Variants in EPHA3 observed in about 807,000 individuals in gnomAD.
EPHA3 encodes the protein ephrin type-A receptor 3.
Under a neutral mutation model 107.1 loss-of-function variants are expected in EPHA3, and 42 were observed. The ratio of observed to expected loss-of-function variants is 0.39; its 90% CI spans 0.31 to 0.51. The LOEUF (loss-of-function observed/expected upper bound fraction) is 0.51, where lower values mean the gene tolerates loss of function less well. Among genes scored for constraint, EPHA3 ranks in the 20% least tolerant of loss-of-function variants. The pLI is 0.78. For synonymous variants in EPHA3, 461 were observed against 424.8 expected (o/e 1.09, Z -1.05); for missense variants, 1,183 against 1,211.2 (o/e 0.98, Z 0.35).
rs1242897230 is a variant in EPHA3 at position 89,449,219 on chromosome 3, T to A, written c.2347-6T>A. 6.2e-7 allele frequency: 1 copy of A among 1,600,458 alleles called. No individual in the cohort carries two copies. On this transcript the variant is annotated splice_polypyrimidine_tract_variant and splice_region_variant and intron_variant, in intron 13 of 16. Coordinates refer to ENST00000336596, the MANE Select transcript of EPHA3 (RefSeq NM_005233.6). ...GATTTATGTAGACATGATTTTATAT[T>A]CAAAGGGAGGGAAGATCCCAATCAG...
chr3:89,396,478 C>T (rs114405646), intron 6 of EPHA3, among the ~76,000 whole-genome samples: 15 of 151,994 alleles, frequency 9.9e-5, no homozygotes, highest in African/African-American at 3.4e-4. Flanking sequence ...GATAAATTTG[C>T]GTGACATAAA....
chr3:89,189,251 A>C (rs1231313731), intron 2 of EPHA3, among the ~76,000 whole-genome samples: 1 of 152,204 alleles, frequency 6.6e-6, no homozygotes, highest in Non-Finnish European at 1.5e-5. Context: ...CCAAACCTTC[A>C]TTTCATTAGT....
intron 3 of EPHA3, among the ~76,000 whole-genome samples, chr3:89,241,553 G>C (rs1704896406): frequency 6.6e-6 from 1 of 151,882 alleles, no homozygotes; most frequent in Non-Finnish European, 1.5e-5. Context: ...CTAATACATA[G>C]CATTTATTGG....
intron 2 of EPHA3, among the ~76,000 whole-genome samples, chr3:89,175,074 T>A (rs2107106260): frequency 6.6e-6 from 1 of 151,990 alleles, no homozygotes; most frequent in African/African-American, 2.4e-5. Context: ...ATAGCATTTT[T>A]TTTTTTTTTT....
chr3:89,213,549 C>G (rs1357019205), intron 3 of EPHA3, among the ~76,000 whole-genome samples: 1 of 151,940 alleles, frequency 6.6e-6, no homozygotes, highest in African/African-American at 2.4e-5. Context: ...ATAGATTCAT[C>G]TGACTTCTCG....
chr3:89,341,734 C>T, intron 4 of EPHA3, 21 bp from the exon 5 acceptor site: 1 of 1,565,896 alleles, frequency 6.4e-7, no homozygotes, highest in Non-Finnish European at 8.7e-7. Flanking sequence ...GCTCATTAAT[C>T]TTTGTTGAAC....
At chr3:89,210,546 G>A in intron 3 of EPHA3, 26 bp downstream of exon 3, 1 of 1,514,922 alleles carries the variant, frequency 6.6e-7, no homozygotes, top group Non-Finnish European at 8.8e-7. Context: ...ATTTTTCTTT[G>A]AGCAATATTT....
intron 11 of EPHA3, among the ~76,000 whole-genome samples, chr3:89,422,083 A>ATTAGAT (rs1275266601): frequency 6.6e-6 from 1 of 151,036 alleles, no homozygotes; most frequent in Non-Finnish European, 1.5e-5. Context: ...TAGCCCTAGA[A>ATTAGAT]TTAGATTTTG....
chr3:89,236,792 TAAAG>T (rs1166084543), intron 3 of EPHA3, among the ~76,000 whole-genome samples: 3 of 152,130 alleles, frequency 2.0e-5, no homozygotes, highest in Non-Finnish European at 4.4e-5. Context: ...TAAATAAAAT[TAAAG>T]AAAGCTACAT....
rs1327218424 is a variant in EPHA3, at chr3:89,107,722, C to G, written c.-27C>G. On this transcript the variant is annotated 5_prime_UTR_variant, in exon 1 of 17. Transcript: ENST00000336596. ...GTGGCATGCTTCATGGAGATATGCT[C>G]CTCTCACTGCCCTCTGCACCAGCAA... The G allele has an allele frequency of 1.9e-6, 3 of 1,600,430 alleles. No homozygotes were observed. The highest frequency in any genetic ancestry group is 2.6e-6 in the Non-Finnish European group (3 of 1,167,836).
At chr3:89,308,242 G>A (rs1353615108) in intron 3 of EPHA3, among the ~76,000 whole-genome samples, 1 of 152,102 alleles carries the variant, frequency 6.6e-6, no homozygotes, top group Non-Finnish European at 1.5e-5. Flanking sequence ...CACATGAAAA[G>A]TAGTACATAA....
intron 3 of EPHA3, among the ~76,000 whole-genome samples, chr3:89,256,368 C>T (rs902244573): frequency 4.0e-5 from 6 of 151,788 alleles, no homozygotes; most frequent in Admixed American, 6.6e-5. Flanking sequence ...ACAAGGAGTT[C>T]GAGACCAGCC....
At position 89,479,241 on chromosome 3, in the gene EPHA3, G is replaced by A. The variant is rs370188894; in HGVS notation, c.2847-156G>A. Among the ~76,000 whole-genome samples, 53 of 152,250 alleles carry A rather than the reference G, an allele frequency of 3.5e-4. No homozygotes were observed. The East Asian group carries it at 9.8e-3, about 28-fold the overall frequency. ...CCATCTATATAGCCTTCTACAAGAT[G>A]GTGGAACGGTCCGGACATAACACAG... On this transcript the variant is annotated intron_variant, in intron 16 of 16. Transcript: ENST00000336596.
chr3:89,222,654 T>TA (rs1484817530), intron 3 of EPHA3, among the ~76,000 whole-genome samples: 1 of 151,952 alleles, frequency 6.6e-6, no homozygotes, highest in Non-Finnish European at 1.5e-5. Context: ...TCTTTGTTTC[T>TA]AAAAAATTGA....
chr3:89,204,474 G>C (rs1706050360), intron 2 of EPHA3, among the ~76,000 whole-genome samples: 1 of 78,540 alleles, frequency 1.3e-5, no homozygotes, highest in Admixed American at 1.7e-4. Flanking sequence ...TCTCTGATTT[G>C]ACACACCACA....
rs776889612 is a variant in EPHA3 at position 89,444,959 on chromosome 3, T to A, written c.2347-4266T>A. On this transcript the variant is annotated intron_variant, in intron 13 of 16. Transcript: ENST00000336596. ...AATGTTTCATGAATATTGAATACAT[T>A]CTGGGCTAAACAGCTAACTCTTGGC... Among the ~76,000 whole-genome samples the A allele has an allele frequency of 4.6e-5, 7 of 152,292 alleles. No homozygotes were observed. In the South Asian group the frequency reaches 6.2e-4, roughly 14 times the overall value.
At position 89,210,537 on chromosome 3, in the gene EPHA3, T is replaced by C. The variant is rs1254912372; in HGVS notation, c.814+17T>C. Reference sequence around the variant, plus strand: ...TGTGCCAAGGTAAGAGCCTTCTCTATTTTTCTTTGAGCAATATTTCTCACC... The same window carrying C: ...TGTGCCAAGGTAAGAGCCTTCTCTACTTTTCTTTGAGCAATATTTCTCACC... On this transcript the variant is annotated intron_variant, in intron 3 of 16. Transcript: ENST00000336596. 6.6e-7 allele frequency: 1 copy of C among 1,518,444 alleles called. No individual in the cohort carries two copies. The highest frequency in any genetic ancestry group is 8.8e-7 in the Non-Finnish European group (1 of 1,136,540). 94.1% of individuals were successfully genotyped at this position (1,518,444 alleles called of 1,614,324 possible).
At chr3:89,345,263 A>T (rs1281662036) in intron 5 of EPHA3, among the ~76,000 whole-genome samples, 6 of 151,370 alleles carry the variant, frequency 4.0e-5, no homozygotes, top group African/African-American at 1.4e-4. Flanking sequence ...TTATTTTACT[A>T]CTTGGATGAA....
chr3:89,242,578 C>A (rs1277954342), intron 3 of EPHA3, among the ~76,000 whole-genome samples: 3 of 151,964 alleles, frequency 2.0e-5, no homozygotes, highest in African/African-American at 7.2e-5. Flanking sequence ...GCTGGGACTA[C>A]GGGCGCCCAC....
Sources: allele counts gnomAD v4.1 joint callset (sites outside exome capture counted in the v4.1 genomes callset), GRCh38; gene constraint gnomAD v4.1.1; transcripts MANE v1.5; gene names NCBI Gene and HGNC (gene_info 2026-07-23, HGNC 2026-07-21).